The following FSCN3 variants were observed in gnomAD, a reference collection of about 807,000 sequenced individuals.
FSCN3 encodes the protein fascin actin-bundling protein 3.
In FSCN3, 43 loss-of-function variants were observed where a neutral mutation model predicts 53.5. The ratio of observed to expected loss-of-function variants is 0.80; its 90% CI spans 0.63 to 1.04. The LOEUF (loss-of-function observed/expected upper bound fraction) is 1.04. FSCN3 is among the 50% of genes least tolerant of loss of function. The probability of loss-of-function intolerance (pLI) is 0.00; values close to 1 mark genes in which losing one functional copy is unlikely to be tolerated. For missense variants in FSCN3, 594 were observed against 646.5 expected (o/e 0.92, Z 0.88); for synonymous variants, 235 against 246.6 (o/e 0.95, Z 0.44).
At chr7:127,594,760 G>T (rs1333971857) in intron 1 of FSCN3, 1 of 471,326 alleles carries the variant, frequency 2.1e-6, no homozygotes, top group South Asian at 1.5e-5. Context: ...CAGGGGCAAA[G>T]TTCTTCCTCT....
At chr7:127,600,580 A>G (rs1280895864) in intron 6 of FSCN3, among the ~76,000 whole-genome samples, 181 bp downstream of exon 6, 1 of 152,214 alleles carries the variant, frequency 6.6e-6, no homozygotes, top group Non-Finnish European at 1.5e-5. Context: ...TTTAGAGCTT[A>G]CAAACCTGGG....
intron 1 of FSCN3, chr7:127,594,883 CA>C: frequency 2.1e-6 from 1 of 474,690 alleles, no homozygotes. Flanking sequence ...TCTGTCTTGC[CA>C]TGCTGGAAGG....
chr7:127,596,016 C>T lies in FSCN3; in HGVS notation c.841+13C>T. 1 of 1,527,796 alleles carries T rather than the reference C, an allele frequency of 6.5e-7. No homozygotes were observed. The highest frequency in any genetic ancestry group is 8.8e-7 in the Non-Finnish European group (1 of 1,138,520). The allele number at this position is 1,527,796 out of a possible 1,614,324, so 94.6% of individuals were successfully genotyped here. Reference sequence around the variant, plus strand: ...TCAGTCATCTACGGCAAGTGCTGGACCCAACACAGATGGAGGGAGAGAGGG... The same window carrying T: ...TCAGTCATCTACGGCAAGTGCTGGATCCAACACAGATGGAGGGAGAGAGGG... On this transcript the variant is annotated intron_variant, in intron 2 of 6. Transcript: ENST00000265825.
chr7:127,598,261 A>G (rs899889172), intron 3 of FSCN3, among the ~76,000 whole-genome samples, 174 bp from the exon 4 acceptor site: 1 of 152,162 alleles, frequency 6.6e-6, no homozygotes, highest in African/African-American at 2.4e-5. Context: ...GGGGAAGGGG[A>G]AGAGCTGAGG....
rs991878647 is a variant in FSCN3, at chr7:127,602,057, C to T, written c.*435C>T. ...AGAAAAAAGGAAAGATTGTTAATCT[C>T]GTGAGCACAGGATAATGGTAATAAC... On this transcript the variant is annotated 3_prime_UTR_variant, in exon 7 of 7. Transcript: ENST00000265825. 2 of 152,160 alleles carry T rather than the reference C, an allele frequency of 1.3e-5. No homozygotes were observed. Among genetic ancestry groups the T allele is most frequent in the African/African-American group, 2.4e-5 (1 of 41,424 alleles). 9.4% of individuals were successfully genotyped at this position (152,160 alleles called of 1,614,324 possible). A position where few individuals can be genotyped will look rare whatever the true frequency, so the allele number is the denominator to read the frequency against.
chr7:127,600,406 G>A lies in FSCN3; in HGVS notation c.*7G>A, dbSNP rs751760556. On this transcript the variant is annotated splice_region_variant and intron_variant, in intron 6 of 6. Transcript: ENST00000265825. Reference sequence around the variant, plus strand: ...GTGTATCTGGGAATTTTAGGTAAGGGAGAGGAACAGGTAAGGGGCTAGGGG... The same window carrying A: ...GTGTATCTGGGAATTTTAGGTAAGGAAGAGGAACAGGTAAGGGGCTAGGGG... The A allele has an allele frequency of 1.9e-6, 3 of 1,541,604 alleles. No homozygotes were observed. Among genetic ancestry groups the A allele is most frequent in the African/African-American group, 1.4e-5 (1 of 73,618 alleles).
In FSCN3 at chr7:127,595,351, G is replaced by C; in HGVS notation, c.189G>C (p.Val63=). Residue 63 remains valine, a synonymous_variant, in exon 2 of 7, where the codon GTG becomes GTC. Coordinates refer to ENST00000265825, the MANE Select transcript of FSCN3 (RefSeq NM_020369.3). ...GCAATGAGCATGAGACACAGGCCGT[G>C]GTGCGACTAAAGAGCGTGCAGGGCC... ...LVSNEHETQA[V]VRLKSVQGLY... is the part of the protein sequence containing the mutation. 6.2e-7 allele frequency: 1 copy of C among 1,613,978 alleles called. No homozygotes were observed. The highest frequency in any genetic ancestry group is 1.1e-5 in the South Asian group (1 of 91,052).
At position 127,599,397 on chromosome 7, in the gene FSCN3, T is replaced by TG. The variant is rs1562956763; in HGVS notation, c.1140dup (p.Ile381AspfsTer25). 6.2e-7 allele frequency: 1 copy of TG among 1,613,684 alleles called. No homozygotes were observed. The highest frequency in any genetic ancestry group is 8.5e-7 in the Non-Finnish European group (1 of 1,179,680). ...TTCCTTCAGGCCCAAATGAGGAATT[T>TG]GGGATTTTATTTGCCAATCGCTCCT... On this transcript the variant is annotated frameshift_variant, in exon 5 of 7. Transcript: ENST00000265825. LOFTEE classifies it high-confidence loss of function.
intron 3 of FSCN3, among the ~76,000 whole-genome samples, chr7:127,597,395 A>G (rs1363247167): frequency 6.6e-6 from 1 of 151,680 alleles, no homozygotes; most frequent in African/African-American, 2.4e-5. Context: ...TGGCTTTTGG[A>G]TTGTCTTTTT....
At chr7:127,594,160 C>CTGTGTGTG (rs749215425) in intron 1 of FSCN3, among the ~76,000 whole-genome samples, 163 bp downstream of exon 1, 1,951 of 89,198 alleles carry the variant, frequency 0.022, 191 homozygotes, top group African/African-American at 0.078. Flanking sequence ...AGTGGCCAAG[C>CTGTGTGTG]TGTGTGTGTG....
rs746282917 is a variant in FSCN3 at position 127,595,499 on chromosome 7, G to T, written c.337G>T (p.Gly113Cys). Reference sequence around the variant, plus strand: ...GTGGACCCTCCAGTGCCTAATCTCTGGTCGTTATTTGGAGTCCAATGGCAA... The same window carrying T: ...GTGGACCCTCCAGTGCCTAATCTCTTGTCGTTATTTGGAGTCCAATGGCAA... ...SKWTLQCLIS[G>C]RYLESNGKDV... The change falls in exon 2 of 7, where the codon GGT becomes TGT. Residue 113 changes from glycine (G) to cysteine (C), a missense_variant. Transcript: ENST00000265825. 1 of 1,614,124 alleles carries T rather than the reference G, an allele frequency of 6.2e-7. No homozygotes were observed. Among genetic ancestry groups the T allele is most frequent in the Non-Finnish European group, 8.5e-7 (1 of 1,180,008 alleles).
At chr7:127,594,083 A>C in intron 1 of FSCN3, 86 bp downstream of exon 1, 15 of 1,403,430 alleles carry the variant, frequency 1.1e-5, no homozygotes, top group Non-Finnish European at 1.4e-5. Context: ...TGTGTGCGTG[A>C]GTGTATGTGT....
intron 3 of FSCN3, among the ~76,000 whole-genome samples, chr7:127,597,537 G>A (rs917421123): frequency 6.6e-6 from 1 of 151,328 alleles, no homozygotes; most frequent in East Asian, 1.9e-4. Flanking sequence ...GGAGGGCAGT[G>A]GCTCAGTCTC....
At chr7:127,596,783 A>G (rs1794396681) in intron 3 of FSCN3, among the ~76,000 whole-genome samples, 1 of 152,240 alleles carries the variant, frequency 6.6e-6, no homozygotes, top group African/African-American at 2.4e-5. Context: ...GTATCCATCC[A>G]TGCAACCATG....
At chr7:127,594,279 T>TGTGTGC (rs1554402190) in intron 1 of FSCN3, among the ~76,000 whole-genome samples, 10 of 66,542 alleles carry the variant, frequency 1.5e-4, no homozygotes, top group South Asian at 4.2e-4. Context: ...TGTGTGTGTG[T>TGTGTGC]GCGCACTTGC....
chr7:127,594,060 GCGCGCGCGCGTGTGTGTGCGTGAGTGTA>G lies in FSCN3; in HGVS notation c.144+64_144+91del, dbSNP rs1794336744. On this transcript the variant is annotated intron_variant, in intron 1 of 6. Coordinates refer to ENST00000265825, the MANE Select transcript of FSCN3 (RefSeq NM_020369.3). ...GTGGCCAAGCTGTGTGTGTGTGTGT[GCGCGCGCGCGTGTGTGTGCGTGAGTGTA>G]TGTGTGTGTGTGTGTGTATGTACTT... 15 of 1,551,068 alleles carry G rather than the reference GCGCGCGCGCGTGTGTGTGCGTGAGTGTA, an allele frequency of 9.7e-6. No homozygotes were observed. In the African/African-American group the frequency reaches 1.5e-4, roughly 16 times the overall value.
chr7:127,602,097 T>A lies in FSCN3; in HGVS notation c.*475T>A, dbSNP rs1191668887. ...ATGGTAATAACACCTTATGCCTGTA[T>A]AGGCCACTTTACCTCCTCCTACCAC... On this transcript the variant is annotated 3_prime_UTR_variant, in exon 7 of 7. Transcript: ENST00000265825. 1 of 152,102 alleles carries A rather than the reference T, an allele frequency of 6.6e-6. No homozygotes were observed. Among genetic ancestry groups the A allele is most frequent in the South Asian group, 2.1e-4 (1 of 4,816 alleles). The allele number at this position is 152,102 out of a possible 1,614,324, so 9.4% of individuals were successfully genotyped here.
chr7:127,599,420 C>T lies in FSCN3; in HGVS notation c.1160C>T (p.Ser387Phe), dbSNP rs777288563. The change falls in exon 5 of 7, where the codon TCC becomes TTC. Residue 387 changes from serine (S) to phenylalanine (F), a missense_variant. Transcript: ENST00000265825. ...TTTGGGATTTTATTTGCCAATCGCT[C>T]CTTCCTTGTATTGCGAGGTCGTTAT... ...EEFGILFANR[S>F]FLVLRGRYGY... 1.2e-6 allele frequency: 2 copies of T among 1,614,060 alleles called. No homozygotes were observed. Among genetic ancestry groups the T allele is most frequent in the South Asian group, 1.1e-5 (1 of 91,052 alleles).
At chr7:127,601,450 C>T (rs1794474820) in intron 6 of FSCN3, among the ~76,000 whole-genome samples, 173 bp from the exon 7 acceptor site, 1 of 152,204 alleles carries the variant, frequency 6.6e-6, no homozygotes, top group African/African-American at 2.4e-5. Context: ...AGCTATTAAG[C>T]TTCTTCCTTT....
Sources: allele counts gnomAD v4.1 joint callset (sites outside exome capture counted in the v4.1 genomes callset), GRCh38; gene constraint gnomAD v4.1.1; transcripts MANE v1.5; gene names NCBI Gene and HGNC (gene_info 2026-07-23, HGNC 2026-07-21).